Variants in KIAA1549L observed in about 807,000 individuals in gnomAD.
The protein encoded by KIAA1549L is KIAA1549 like, also known as UPF0606 protein KIAA1549L.
KIAA1549L carries 88 observed loss-of-function variants against 160.7 expected under a neutral mutation model. The ratio of observed to expected loss-of-function variants is 0.55; its 90% CI spans 0.46 to 0.65. The LOEUF (loss-of-function observed/expected upper bound fraction) is 0.65. KIAA1549L is among the 30% of genes least tolerant of loss of function. The pLI, the probability that KIAA1549L is intolerant of heterozygous loss-of-function variation, is 0.00. For synonymous variants in KIAA1549L, 950 were observed against 976.7 expected (o/e 0.97, Z 0.51); for missense variants, 2,258 against 2,437.5 (o/e 0.93, Z 1.55).
intron 11 of KIAA1549L, among the ~76,000 whole-genome samples, chr11:33,584,439 C>T (rs540671965): frequency 1.1e-3 from 161 of 152,308 alleles, no homozygotes; most frequent in African/African-American, 3.4e-3. Context: ...CCACCCACTG[C>T]GGCCTCCACA....
At chr11:33,636,585 C>A (rs1280200377) in intron 16 of KIAA1549L, among the ~76,000 whole-genome samples, 1 of 152,126 alleles carries the variant, frequency 6.6e-6, no homozygotes. Context: ...CCAGCCTCGA[C>A]CTCCCAAAGT....
chr11:33,424,028 T>TG (rs1488711309), intron 1 of KIAA1549L, among the ~76,000 whole-genome samples: 2 of 137,722 alleles, frequency 1.5e-5, no homozygotes, highest in South Asian at 2.1e-4. Context: ...GGCTCTGTCT[T>TG]GGAAAAAAAA....
intron 4 of KIAA1549L, among the ~76,000 whole-genome samples, chr11:33,550,119 A>G (rs4755192): frequency 0.69 from 103,788 of 151,376 alleles, 36,180 homozygotes; most frequent in African/African-American, 0.82. Context: ...GGATAGTAGT[A>G]ATAGCTGTAC....
intron 11 of KIAA1549L, among the ~76,000 whole-genome samples, chr11:33,584,856 G>A (rs1437955015): frequency 1.2e-4 from 19 of 152,148 alleles, no homozygotes. Context: ...TTCCAGCTCT[G>A]AAGATCTGAG....
chr11:33,594,774 A>G (rs964002562), intron 12 of KIAA1549L, among the ~76,000 whole-genome samples: 1 of 152,230 alleles, frequency 6.6e-6, no homozygotes, highest in Non-Finnish European at 1.5e-5. Flanking sequence ...CATTACTGCA[A>G]TCACGCACCC....
At chr11:33,552,653 AACACAC>A (rs761358417) in intron 6 of KIAA1549L, among the ~76,000 whole-genome samples, 10,572 of 131,240 alleles carry the variant, frequency 0.081, 441 homozygotes, top group Middle Eastern at 0.085. Context: ...GACACATGCC[AACACAC>A]ACACACACAC....
chr11:33,446,391 G>A (rs1246171828), intron 1 of KIAA1549L, among the ~76,000 whole-genome samples: 8 of 152,034 alleles, frequency 5.3e-5, no homozygotes, highest in Admixed American at 4.6e-4. Flanking sequence ...CACTGTGCTC[G>A]GCGTTTTTTG....
intron 1 of KIAA1549L, among the ~76,000 whole-genome samples, chr11:33,532,689 A>G (rs970849487): frequency 1.3e-5 from 2 of 152,202 alleles, no homozygotes; most frequent in Non-Finnish European, 2.9e-5. Context: ...GGAGTTTGGC[A>G]TCTCCATGAA....
In KIAA1549L at chr11:33,505,066, G is replaced by A. The variant is rs112382672; in HGVS notation, c.239-36736G>A. Among the ~76,000 whole-genome samples, 6 of 152,294 alleles carry A rather than the reference G, an allele frequency of 3.9e-5. 1 individual carries two copies. The highest frequency in any genetic ancestry group is 1.4e-4 in the African/African-American group (6 of 41,570). On this transcript the variant is annotated intron_variant, in intron 1 of 20. Coordinates refer to ENST00000658780, the MANE Select transcript of KIAA1549L (RefSeq NM_012194.3). Reference sequence around the variant, plus strand: ...CAGGCGTGAGCCACCACACCTGGCCGATTGTTGCAGATTTTTCAAACCAAG... The same window carrying A: ...CAGGCGTGAGCCACCACACCTGGCCAATTGTTGCAGATTTTTCAAACCAAG...
intron 13 of KIAA1549L, among the ~76,000 whole-genome samples, chr11:33,603,417 A>G (rs1850413901): frequency 6.6e-6 from 1 of 152,072 alleles, no homozygotes; most frequent in Non-Finnish European, 1.5e-5. Context: ...AGCAAGAGAG[A>G]ACTGGGCATA....
At chr11:33,457,969 G>A (rs1420308676) in intron 1 of KIAA1549L, among the ~76,000 whole-genome samples, 1 of 152,186 alleles carries the variant, frequency 6.6e-6, no homozygotes, top group African/African-American at 2.4e-5. Context: ...CAGGACCCGA[G>A]TTCCATGTCC....
intron 11 of KIAA1549L, among the ~76,000 whole-genome samples, chr11:33,590,904 T>G (rs1405951701): frequency 5.9e-5 from 9 of 152,240 alleles, no homozygotes; most frequent in African/African-American, 1.9e-4. Context: ...ATGTATTAAT[T>G]GAGTTGTTTC....
chr11:33,632,423 C>T (rs1225623418), intron 16 of KIAA1549L, among the ~76,000 whole-genome samples: 1 of 152,166 alleles, frequency 6.6e-6, no homozygotes, highest in Non-Finnish European at 1.5e-5. Flanking sequence ...GGGGAGATTA[C>T]ACTGATTAAT....
chr11:33,438,485 C>T (rs1851424979), intron 1 of KIAA1549L, among the ~76,000 whole-genome samples: 1 of 152,166 alleles, frequency 6.6e-6, no homozygotes, highest in Non-Finnish European at 1.5e-5. Context: ...TCAGCTGTGC[C>T]CGTGGTGACA....
intron 1 of KIAA1549L, among the ~76,000 whole-genome samples, chr11:33,475,498 A>T (rs1852265619): frequency 6.6e-6 from 1 of 151,232 alleles, no homozygotes; most frequent in Non-Finnish European, 1.5e-5. Flanking sequence ...TCGAGGTTAT[A>T]GTAAGCTATA....
At position 33,400,779 on chromosome 11, in the gene KIAA1549L, C is replaced by T. The variant is rs144520760; in HGVS notation, c.238+23890C>T. ...TTCCACTTATTCTGCCAGCATTTCC[C>T]ATGATCCAGACACTGTGCAGGGTGC... is the stretch of plus-strand genomic sequence containing the variant. On this transcript the variant is annotated intron_variant, in intron 1 of 20. Transcript: ENST00000658780. Among the ~76,000 whole-genome samples the T allele has an allele frequency of 1.8e-4, 27 of 152,282 alleles. 1 individual carries two copies. The East Asian group carries it at 5.2e-3, about 29-fold the overall frequency.
At chr11:33,593,839 A>C (rs943599887) in intron 12 of KIAA1549L, among the ~76,000 whole-genome samples, 1 of 152,058 alleles carries the variant, frequency 6.6e-6, no homozygotes, top group Non-Finnish European at 1.5e-5. Flanking sequence ...AGTTTAGAGG[A>C]GTGGTCTAGG....
intron 1 of KIAA1549L, among the ~76,000 whole-genome samples, chr11:33,383,373 T>G (rs1565114029): frequency 1.3e-5 from 2 of 151,988 alleles, no homozygotes; most frequent in African/African-American, 4.8e-5. Flanking sequence ...GACAACATAT[T>G]AGAGGGGATT....
intron 18 of KIAA1549L, among the ~76,000 whole-genome samples, chr11:33,657,207 T>C (rs532968785): frequency 1.5e-4 from 23 of 152,188 alleles, no homozygotes; most frequent in African/African-American, 4.8e-4. Context: ...AGCCTCCACA[T>C]TGGACCTTCC....
Sources: allele counts gnomAD v4.1 joint callset (sites outside exome capture counted in the v4.1 genomes callset), GRCh38; gene constraint gnomAD v4.1.1; transcripts MANE v1.5; gene names NCBI Gene and HGNC (gene_info 2026-07-23, HGNC 2026-07-21).